PCDHGA1: variants seen among roughly 807,000 people sequenced by gnomAD.
The protein encoded by PCDHGA1 is protocadherin gamma subfamily A, 1, also known as protocadherin gamma-A1.
PCDHGA1 carries 32 observed loss-of-function variants against 58.0 expected under a neutral mutation model. The ratio of observed to expected loss-of-function variants is 0.55; its 90% CI spans 0.42 to 0.74. The LOEUF is 0.74. Ranked by LOEUF, PCDHGA1 falls within the 30% of genes least tolerant of loss-of-function variation. PCDHGA1 has a pLI of 0.00. For missense variants in PCDHGA1, 1,205 were observed against 1,182.3 expected (o/e 1.02, Z -0.28); for synonymous variants, 498 against 501.1 (o/e 0.99, Z 0.08).
chr5:141,342,489 G>C (rs1757167785), intron 1 of PCDHGA1: 1 of 151,936 alleles, frequency 6.6e-6, no homozygotes, highest in Non-Finnish European at 1.5e-5. Flanking sequence ...GCCTTTTATT[G>C]AATGATACCA....
intron 1 of PCDHGA1, among the ~76,000 whole-genome samples, chr5:141,354,818 G>A (rs1468435577): frequency 6.6e-6 from 1 of 152,144 alleles, no homozygotes; most frequent in Non-Finnish European, 1.5e-5. Flanking sequence ...AAAGTTTATT[G>A]TACAGGAAGA....
rs111925753 is a variant in PCDHGA1, at chr5:141,357,231, C to T, written c.2421+24126C>T. 6.2e-6 allele frequency: 10 copies of T among 1,613,868 alleles called. 1 individual carries two copies. The Admixed American group carries it at 8.3e-5, about 13-fold the overall frequency. The stretch of plus-strand genomic sequence containing the variant: ...CAGATGTCCTGGCTGACTTGGGCAG[C>T]CTCAAGCCTTCAGCAGACCCAGACG... On this transcript the variant is annotated intron_variant, in intron 1 of 3. Coordinates refer to ENST00000517417, the MANE Select transcript of PCDHGA1 (RefSeq NM_018912.3).
At chr5:141,460,965 G>A (rs1398642676) in intron 1 of PCDHGA1, among the ~76,000 whole-genome samples, 21 of 114,476 alleles carry the variant, frequency 1.8e-4, no homozygotes, top group African/African-American at 8.5e-4. Flanking sequence ...ATATATATGT[G>A]TGTGTGTGTG....
intron 1 of PCDHGA1, chr5:141,372,119 C>T (rs568477128): frequency 1.2e-6 from 2 of 1,613,802 alleles, no homozygotes; most frequent in East Asian, 2.2e-5. Context: ...CTGCGCTCTT[C>T]GATATGGTGC....
At chr5:141,364,314 T>C in intron 1 of PCDHGA1, 1 of 1,523,586 alleles carries the variant, frequency 6.6e-7, no homozygotes, top group Non-Finnish European at 8.8e-7. Context: ...AAGAGAAAAT[T>C]GGGCAGAGAG....
intron 1 of PCDHGA1, chr5:141,366,166 C>A (rs764048783): frequency 1.2e-6 from 2 of 1,614,076 alleles, no homozygotes; most frequent in Admixed American, 1.7e-5. Flanking sequence ...TTAAGGCCAG[C>A]GAGCCAGGAC....
intron 1 of PCDHGA1, chr5:141,371,217 GC>G (rs1377737380): frequency 6.2e-7 from 1 of 1,613,922 alleles, no homozygotes; most frequent in African/African-American, 1.3e-5. Context: ...GGGCATCAAT[GC>G]CGAAATCATC....
At chr5:141,405,369 T>C in intron 1 of PCDHGA1, 3 of 1,606,526 alleles carry the variant, frequency 1.9e-6, no homozygotes, top group Non-Finnish European at 2.5e-6. Context: ...GACACCCCTT[T>C]GGTTCCGGTG....
In PCDHGA1 at chr5:141,362,283, A is replaced by G. The variant is rs758529550; in HGVS notation, c.2421+29178A>G. 15 of 1,612,776 alleles carry G rather than the reference A, an allele frequency of 9.3e-6. No individual in the cohort carries two copies. In the Admixed American group the frequency reaches 1.8e-4, roughly 20 times the overall value. On this transcript the variant is annotated intron_variant, in intron 1 of 3. Transcript: ENST00000517417. ...TTCTGGCAATCTCCCTGCGCCTGCG[A>G]CTCTCTTCCAGGTCAGATGCTTGGG...
chr5:141,427,628 G>A (rs1308356581), intron 1 of PCDHGA1: 2 of 700,966 alleles, frequency 2.9e-6, no homozygotes, highest in Admixed American at 2.0e-5. Flanking sequence ...ACAATGCTCC[G>A]GTTTTCCACC....
intron 1 of PCDHGA1, chr5:141,416,001 G>C (rs2095980823): frequency 4.0e-6 from 1 of 253,062 alleles, no homozygotes; most frequent in Non-Finnish European, 7.3e-6. Flanking sequence ...AGGCAGGTCT[G>C]GTAAGAATAG....
At position 141,330,841 on chromosome 5, in the gene PCDHGA1, G is replaced by A; in HGVS notation, c.157G>A (p.Gly53Arg). The change falls in exon 1 of 4, where the codon GGG becomes AGG. Residue 53 changes from glycine to arginine, a missense_variant. By Grantham distance (125) the Gly-to-Arg change is moderately radical. Coordinates refer to ENST00000517417, the MANE Select transcript of PCDHGA1 (RefSeq NM_018912.3). ...SFVGNIAKDL[G>R]LQPQELADGG... Reference sequence around the variant, plus strand: ...CGTAGGCAACATCGCCAAGGACCTAGGGCTGCAACCCCAGGAGCTGGCAGA... The same window carrying A: ...CGTAGGCAACATCGCCAAGGACCTAAGGCTGCAACCCCAGGAGCTGGCAGA... 6.2e-7 allele frequency: 1 copy of A among 1,614,182 alleles called. No individual in the cohort carries two copies. Among genetic ancestry groups the A allele is most frequent in the South Asian group, 1.1e-5 (1 of 91,078 alleles).
chr5:141,350,530 G>T, intron 1 of PCDHGA1: 3 of 1,614,064 alleles, frequency 1.9e-6, no homozygotes, highest in Non-Finnish European at 1.7e-6. Flanking sequence ...TAGATCGAGA[G>T]AAGATTTGCG....
At chr5:141,399,663 G>T (rs766997364) in intron 1 of PCDHGA1, 4 of 1,613,506 alleles carry the variant, frequency 2.5e-6, no homozygotes, top group Admixed American at 3.3e-5. Context: ...TGGTGTTCGC[G>T]CAGCGCGCCT....
At position 141,491,679 on chromosome 5, in the gene PCDHGA1, T is replaced by C. The variant is rs111288145; in HGVS notation, c.2422-3128T>C. On this transcript the variant is annotated intron_variant, in intron 1 of 3. Coordinates refer to ENST00000517417, the MANE Select transcript of PCDHGA1 (RefSeq NM_018912.3). This position sits in a 1 kb window ranked among gnomAD's most constrained non-coding sequence, Gnocchi z 6.9. ...CTGACGCCATCCGGTCCCGCTCTAA[T>C]ACGCTGCGGGAGCGGAGCCAGGTGA... is the stretch of plus-strand genomic sequence containing the variant. 21 of 1,613,378 alleles carry C rather than the reference T, an allele frequency of 1.3e-5. No homozygotes were observed. Among genetic ancestry groups the C allele is most frequent in the Middle Eastern group, 1.6e-4 (1 of 6,078 alleles).
intron 1 of PCDHGA1, among the ~76,000 whole-genome samples, chr5:141,447,165 G>T (rs1192617600): frequency 6.6e-6 from 1 of 151,842 alleles, no homozygotes; most frequent in African/African-American, 2.4e-5. Flanking sequence ...TTTAAGCGGG[G>T]TCTTGCTCTT....
chr5:141,501,419 C>A (rs910783867), intron 2 of PCDHGA1, among the ~76,000 whole-genome samples: 1 of 151,920 alleles, frequency 6.6e-6, no homozygotes, highest in Non-Finnish European at 1.5e-5. Flanking sequence ...AAATAGTTGA[C>A]TAAATGTAGT....
chr5:141,490,938 C>A lies in PCDHGA1; in HGVS notation c.2422-3869C>A. 1.2e-6 allele frequency: 2 copies of A among 1,613,672 alleles called. No individual in the cohort carries two copies. Among genetic ancestry groups the A allele is most frequent in the Non-Finnish European group, 1.7e-6 (2 of 1,179,760 alleles). On this transcript the variant is annotated intron_variant, in intron 1 of 3. Coordinates refer to ENST00000517417, the MANE Select transcript of PCDHGA1 (RefSeq NM_018912.3). The surrounding 1 kb of genome is among the most constrained non-coding windows in gnomAD (Gnocchi z 5.4). ...ATGATAATGCCCCAGCTGTGCTGCA[C>A]CCACGGCCAGACTGGGAACACTCAG... is the stretch of plus-strand genomic sequence containing the variant.
chr5:141,429,379 T>G (rs573911129), intron 1 of PCDHGA1, among the ~76,000 whole-genome samples: 5 of 151,382 alleles, frequency 3.3e-5, no homozygotes, highest in East Asian at 1.9e-4. Context: ...GAAAATGTGT[T>G]TTTTTTTTAA....
Sources: allele counts gnomAD v4.1 joint callset (sites outside exome capture counted in the v4.1 genomes callset), GRCh38; gene constraint gnomAD v4.1.1; non-coding constraint Gnocchi (gnomAD v3.1); transcripts MANE v1.5; gene names NCBI Gene and HGNC (gene_info 2026-07-23, HGNC 2026-07-21).